ZNF521: variants seen among roughly 807,000 people sequenced by gnomAD.
The protein encoded by ZNF521 is zinc finger protein 521.
In ZNF521, 14 loss-of-function variants were observed where a neutral mutation model predicts 105.5. The observed-to-expected ratio is 0.13, with a 90% CI of 0.09 to 0.21. ZNF521 has a LOEUF of 0.21. Among genes scored for constraint, ZNF521 ranks in the 10% least tolerant of loss-of-function variants. The probability of loss-of-function intolerance (pLI) is 1.00; values close to 1 mark genes in which losing one functional copy is unlikely to be tolerated. For missense variants in ZNF521, 1,233 were observed against 1,629.7 expected, an observed-to-expected ratio of 0.76 and a Z score of 4.19; for synonymous variants, 635 against 606.0, an observed-to-expected ratio of 1.05 and a Z score of -0.70.
rs1201797060 is a variant in ZNF521, at chr18:25,192,018, AG to A, written c.3658+3141del. ...CTATGTGAAATGAGCAAAGGAAGAG[AG>A]GAAAAATTTTCTCATTGGCACAGAT... On this transcript the variant is annotated intron_variant, in intron 5 of 7. Coordinates refer to ENST00000361524, the MANE Select transcript of ZNF521 (RefSeq NM_015461.3). Among the ~76,000 whole-genome samples the A allele has an allele frequency of 2.6e-5, 4 of 152,268 alleles. No individual in the cohort carries two copies. The East Asian group carries it at 7.7e-4, about 29-fold the overall frequency.
chr18:25,328,672 C>G (rs2145167890), intron 2 of ZNF521, among the ~76,000 whole-genome samples: 1 of 152,110 alleles, frequency 6.6e-6, no homozygotes, highest in East Asian at 1.9e-4. Flanking sequence ...CCTGCCTCAG[C>G]CTCCTGAGTA....
intron 5 of ZNF521, among the ~76,000 whole-genome samples, chr18:25,120,009 G>A (rs1486810998): frequency 6.6e-6 from 1 of 152,118 alleles, no homozygotes; most frequent in Non-Finnish European, 1.5e-5. Flanking sequence ...TAATCCTATA[G>A]ATATTTAAAG....
intron 5 of ZNF521, among the ~76,000 whole-genome samples, chr18:25,129,179 C>A (rs2034591739): frequency 6.6e-6 from 1 of 151,000 alleles, no homozygotes; most frequent in Admixed American, 6.6e-5. Flanking sequence ...GACAAAGAAG[C>A]AAGGGTAATC....
intron 2 of ZNF521, among the ~76,000 whole-genome samples, chr18:25,332,077 C>A (rs1913606446): frequency 8.6e-6 from 1 of 116,318 alleles, no homozygotes; most frequent in Non-Finnish European, 2.0e-5. Context: ...TTTTTTCTTT[C>A]TTTTTCCCCT....
At chr18:25,068,889 C>T (rs1294859208) in intron 7 of ZNF521, among the ~76,000 whole-genome samples, 1 of 152,188 alleles carries the variant, frequency 6.6e-6, no homozygotes, top group African/African-American at 2.4e-5. Flanking sequence ...AGGAAAATTA[C>T]TCCTTGGATA....
At chr18:25,123,025 TG>T (rs1175977199) in intron 5 of ZNF521, among the ~76,000 whole-genome samples, 1 of 152,070 alleles carries the variant, frequency 6.6e-6, no homozygotes, top group African/African-American at 2.4e-5. Flanking sequence ...CTAGATCTAC[TG>T]TAAGTGGTGA....
intron 5 of ZNF521, among the ~76,000 whole-genome samples, chr18:25,125,828 C>CT (rs551566817): frequency 3.9e-3 from 598 of 151,598 alleles, no homozygotes; most frequent in Non-Finnish European, 6.5e-3. Flanking sequence ...GTGGCTGGCA[C>CT]TTTAAGTTTT....
intron 5 of ZNF521, among the ~76,000 whole-genome samples, chr18:25,093,442 G>A (rs1212511303): frequency 2.6e-5 from 4 of 152,184 alleles, no homozygotes; most frequent in African/African-American, 7.2e-5. Flanking sequence ...AGTCTACACT[G>A]CAGTTATTTT....
chr18:25,176,823 T>G (rs1020590101), intron 5 of ZNF521, among the ~76,000 whole-genome samples: 1 of 152,174 alleles, frequency 6.6e-6, no homozygotes, highest in African/African-American at 2.4e-5. Flanking sequence ...TCCCGGAAAA[T>G]TCTAGACACT....
intron 5 of ZNF521, among the ~76,000 whole-genome samples, chr18:25,153,504 C>G (rs1011067360): frequency 1.3e-5 from 2 of 152,150 alleles, no homozygotes; most frequent in African/African-American, 4.8e-5. Context: ...ACTGAGACTT[C>G]ACAGGGCCTT....
At chr18:25,297,990 ACT>A (rs1446482069) in intron 3 of ZNF521, among the ~76,000 whole-genome samples, 1 of 152,002 alleles carries the variant, frequency 6.6e-6, no homozygotes. Context: ...TTTACTGGGG[ACT>A]CTCTATGTAC....
At chr18:25,263,177 G>C (rs1909026717) in intron 3 of ZNF521, among the ~76,000 whole-genome samples, 1 of 152,136 alleles carries the variant, frequency 6.6e-6, no homozygotes, top group South Asian at 2.1e-4. Context: ...CAGGACAAAA[G>C]TTTATTAAAG....
At chr18:25,186,113 G>A (rs1474839910) in intron 5 of ZNF521, among the ~76,000 whole-genome samples, 4 of 152,132 alleles carry the variant, frequency 2.6e-5, no homozygotes, top group African/African-American at 9.7e-5. Flanking sequence ...TTACTTTTCA[G>A]TCAGTGCTCA....
chr18:25,077,930 CAAA>C (rs975223284), intron 7 of ZNF521, among the ~76,000 whole-genome samples: 3 of 151,444 alleles, frequency 2.0e-5, no homozygotes, highest in African/African-American at 7.3e-5. Flanking sequence ...GTGTGTGACT[CAAA>C]GAAGAAGAAA....
chr18:25,126,819 A>G (rs4315417), intron 5 of ZNF521, among the ~76,000 whole-genome samples: 24,043 of 152,048 alleles, frequency 0.16, 1,998 homozygotes, highest in Middle Eastern at 0.23. Context: ...AAAGAATTAA[A>G]TTATTGTAAT....
chr18:25,212,061 A>T (rs1055283045), intron 4 of ZNF521, among the ~76,000 whole-genome samples: 1 of 152,154 alleles, frequency 6.6e-6, no homozygotes, highest in Non-Finnish European at 1.5e-5. Context: ...CATAATCCTA[A>T]TCACTGCAGA....
intron 5 of ZNF521, among the ~76,000 whole-genome samples, chr18:25,099,345 T>G (rs994599551): frequency 6.6e-6 from 1 of 152,160 alleles, no homozygotes; most frequent in Non-Finnish European, 1.5e-5. Flanking sequence ...GCATATAACA[T>G]AGCGGACTGG....
At chr18:25,316,369 CA>C (rs34066702) in intron 3 of ZNF521, among the ~76,000 whole-genome samples, 89 of 113,312 alleles carry the variant, frequency 7.9e-4, no homozygotes, top group Non-Finnish European at 1.0e-3. Context: ...AACCAAGAGG[CA>C]AAAAAAAAAT....
intron 3 of ZNF521, among the ~76,000 whole-genome samples, chr18:25,287,334 C>T (rs1192279139): frequency 1.3e-5 from 2 of 152,196 alleles, no homozygotes; most frequent in Non-Finnish European, 2.9e-5. Flanking sequence ...CTCTTCCTGC[C>T]TTTCCTAGTA....
Sources: allele counts gnomAD v4.1 joint callset (sites outside exome capture counted in the v4.1 genomes callset), GRCh38; gene constraint gnomAD v4.1.1; transcripts MANE v1.5; gene names NCBI Gene and HGNC (gene_info 2026-07-23, HGNC 2026-07-21).